Variants in GOLPH3 observed in about 807,000 individuals in gnomAD.
GOLPH3 encodes the protein coat protein GPP34.
GOLPH3 carries 14 observed loss-of-function variants against 28.5 expected under a neutral mutation model. The ratio of observed to expected loss-of-function variants is 0.49; its 90% CI spans 0.32 to 0.77. The LOEUF is 0.77. Among genes scored for constraint, GOLPH3 ranks in the 30% least tolerant of loss-of-function variants. The pLI is 0.03. For synonymous variants in GOLPH3, 158 were observed against 159.2 expected, an observed-to-expected ratio of 0.99 and a Z score of 0.06; for missense variants, 350 against 393.7, an observed-to-expected ratio of 0.89 and a Z score of 0.94.
At chr5:32,146,265 G>A (rs1018609042) in intron 1 of GOLPH3, among the ~76,000 whole-genome samples, 1 of 149,182 alleles carries the variant, frequency 6.7e-6, no homozygotes, top group African/African-American at 2.5e-5. Context: ...ACTCCAGCCT[G>A]GATGACAGGA....
intron 3 of GOLPH3, among the ~76,000 whole-genome samples, chr5:32,133,369 C>G (rs1235811754): frequency 1.3e-5 from 2 of 152,204 alleles, no homozygotes; most frequent in Middle Eastern, 3.2e-3. Flanking sequence ...ATCTTTAACA[C>G]TGTAACACAT....
chr5:32,145,984 G>A (rs920761696), intron 1 of GOLPH3, among the ~76,000 whole-genome samples: 2 of 151,992 alleles, frequency 1.3e-5, no homozygotes, highest in African/African-American at 2.4e-5. Context: ...TGTCATAAAA[G>A]CAGGATCAAA....
chr5:32,133,035 T>C (rs918030149), intron 3 of GOLPH3, among the ~76,000 whole-genome samples: 2 of 152,248 alleles, frequency 1.3e-5, no homozygotes, highest in Non-Finnish European at 2.9e-5. Context: ...ACAGCCAATC[T>C]AAAACTCACA....
chr5:32,133,726 G>C (rs1273765811), intron 3 of GOLPH3, among the ~76,000 whole-genome samples: 5 of 152,120 alleles, frequency 3.3e-5, no homozygotes, highest in Non-Finnish European at 7.4e-5. Context: ...CAATGTGATG[G>C]GTATTTGTGA....
intron 1 of GOLPH3, among the ~76,000 whole-genome samples, chr5:32,147,491 T>C (rs1024314662): frequency 1.3e-5 from 2 of 151,292 alleles, no homozygotes; most frequent in Non-Finnish European, 1.5e-5. Flanking sequence ...ACATGAAAAA[T>C]TATTATGAAA....
At chr5:32,159,674 A>C (rs1222678741) in intron 1 of GOLPH3, among the ~76,000 whole-genome samples, 1 of 152,264 alleles carries the variant, frequency 6.6e-6, no homozygotes, top group East Asian at 1.9e-4. Context: ...ATTCTTCTGT[A>C]AGAAACACGA....
At chr5:32,163,788 C>G (rs1351492190) in intron 1 of GOLPH3, among the ~76,000 whole-genome samples, 1 of 152,122 alleles carries the variant, frequency 6.6e-6, no homozygotes, top group African/African-American at 2.4e-5. Context: ...TCTAATTTCA[C>G]TTTAGCTACA....
chr5:32,138,151 C>G (rs1171271169), intron 2 of GOLPH3, among the ~76,000 whole-genome samples: 3 of 152,082 alleles, frequency 2.0e-5, no homozygotes, highest in African/African-American at 7.2e-5. Flanking sequence ...ATCTGTCCAC[C>G]TCGGCCTCCC....
At chr5:32,127,460 C>A (rs753190313) in intron 3 of GOLPH3, among the ~76,000 whole-genome samples, 67 of 152,150 alleles carry the variant, frequency 4.4e-4, no homozygotes, top group Non-Finnish European at 6.9e-4. Flanking sequence ...GTTGTAAGGT[C>A]GAGATTTTCT....
chr5:32,134,212 A>AT (rs1246676765), intron 3 of GOLPH3, among the ~76,000 whole-genome samples: 2 of 151,616 alleles, frequency 1.3e-5, no homozygotes, highest in African/African-American at 4.8e-5. Context: ...TCTACAAAAA[A>AT]TTTTTTTTCT....
At position 32,135,775 on chromosome 5, in the gene GOLPH3, AATTC is replaced by A. The variant is rs1432648169; in HGVS notation, c.358-93_358-90del. On this transcript the variant is annotated intron_variant, in intron 2 of 3. Transcript: ENST00000265070. The stretch of plus-strand genomic sequence containing the variant: ...ATGAAAAACAAACAATTATATAAAT[AATTC>A]ATTATGCTTAAAGCCTCAAGCTTTC... 8.3e-5 allele frequency: 61 copies of A among 733,688 alleles called. No individual in the cohort carries two copies. In the East Asian group the frequency reaches 1.6e-3, roughly 20 times the overall value. The allele number at this position is 733,688 out of a possible 1,614,324, so 45.4% of individuals were successfully genotyped here.
intron 2 of GOLPH3, among the ~76,000 whole-genome samples, chr5:32,141,540 G>C (rs1301190424): frequency 1.3e-5 from 2 of 152,084 alleles, no homozygotes; most frequent in African/African-American, 2.4e-5. Flanking sequence ...TTAATGTCAA[G>C]TCTTTCAAAA....
chr5:32,157,781 C>A (rs914415683), intron 1 of GOLPH3, among the ~76,000 whole-genome samples: 13 of 152,058 alleles, frequency 8.5e-5, no homozygotes, highest in African/African-American at 3.1e-4. Context: ...GATTTGAGAC[C>A]AGCCTGACCA....
At chr5:32,146,431 C>T (rs1746181089) in intron 1 of GOLPH3, among the ~76,000 whole-genome samples, 1 of 152,110 alleles carries the variant, frequency 6.6e-6, no homozygotes, top group Non-Finnish European at 1.5e-5. Flanking sequence ...TAGGCTGGGC[C>T]ATACACTACC....
At chr5:32,147,075 CAT>C (rs1746192386) in intron 1 of GOLPH3, among the ~76,000 whole-genome samples, 1 of 152,062 alleles carries the variant, frequency 6.6e-6, no homozygotes, top group African/African-American at 2.4e-5. Flanking sequence ...GTATGTATAT[CAT>C]AGGTTTGTAT....
intron 1 of GOLPH3, among the ~76,000 whole-genome samples, chr5:32,152,775 C>G (rs1746336045): frequency 1.3e-5 from 2 of 148,344 alleles, no homozygotes; most frequent in African/African-American, 2.5e-5. Context: ...GAGTGAGACT[C>G]AGTCTCAAAA....
At chr5:32,156,267 G>A (rs983974200) in intron 1 of GOLPH3, among the ~76,000 whole-genome samples, 1 of 152,122 alleles carries the variant, frequency 6.6e-6, no homozygotes, top group Admixed American at 6.6e-5. Context: ...GGAGGCTGAG[G>A]TGGGCGGATC....
intron 1 of GOLPH3, among the ~76,000 whole-genome samples, chr5:32,144,340 G>A (rs977500652): frequency 6.6e-6 from 1 of 152,146 alleles, no homozygotes; most frequent in Admixed American, 6.6e-5. Flanking sequence ...AGGTTAATCC[G>A]AGCACTTTGG....
intron 1 of GOLPH3, among the ~76,000 whole-genome samples, chr5:32,161,978 G>T (rs1746591867): frequency 1.3e-5 from 2 of 150,952 alleles, no homozygotes; most frequent in South Asian, 4.2e-4. Flanking sequence ...AGTGAGCCGA[G>T]ATCGCACAAC....
Sources: gnomAD v4.1 joint callset for allele counts (sites outside exome capture counted in the v4.1 genomes callset) on GRCh38, gnomAD v4.1.1 for gene constraint, MANE v1.5 for transcripts, NCBI Gene and HGNC (gene_info 2026-07-23, HGNC 2026-07-21) for gene names.